Variants in MAD1L1 observed in about 807,000 individuals in gnomAD.
The protein encoded by MAD1L1 is mitotic arrest deficient 1 like 1.
Under a neutral mutation model 96.9 loss-of-function variants are expected in MAD1L1, and 95 were observed. That is an observed-to-expected ratio of 0.98 (90% CI 0.83 to 1.16). The LOEUF (loss-of-function observed/expected upper bound fraction) is 1.16. Ranked by LOEUF, MAD1L1 falls within the 50% of genes most tolerant of loss-of-function variation. MAD1L1 has a pLI of 0.00. For missense variants in MAD1L1, 1,007 were observed against 954.4 expected (o/e 1.06, Z -0.73); for synonymous variants, 473 against 396.6 (o/e 1.19, Z -2.29).
At chr7:1,986,694 TTC>T (rs1781167874) in intron 14 of MAD1L1, among the ~76,000 whole-genome samples, 1 of 152,174 alleles carries the variant, frequency 6.6e-6, no homozygotes, top group Non-Finnish European at 1.5e-5. Context: ...GCAGCTGCAT[TTC>T]TGTTTTGTCA....
intron 13 of MAD1L1, among the ~76,000 whole-genome samples, chr7:2,008,258 C>A (rs1280788935): frequency 3.3e-5 from 5 of 152,218 alleles, no homozygotes; most frequent in African/African-American, 4.8e-5. Flanking sequence ...TCAGACAGCG[C>A]AACTCCAGGC....
intron 12 of MAD1L1, among the ~76,000 whole-genome samples, chr7:2,043,203 G>A (rs1158209278): frequency 1.3e-5 from 2 of 152,202 alleles, no homozygotes; most frequent in Admixed American, 6.5e-5. Flanking sequence ...AAACGACCCT[G>A]CCACTGACTT....
intron 11 of MAD1L1, among the ~76,000 whole-genome samples, chr7:2,147,694 G>C (rs1789378341): frequency 6.6e-6 from 1 of 152,212 alleles, no homozygotes; most frequent in African/African-American, 2.4e-5. Context: ...GCCACAGCTG[G>C]GGTTGTGAGG....
chr7:2,034,147 C>T (rs1318843463), intron 12 of MAD1L1, among the ~76,000 whole-genome samples: 1 of 151,736 alleles, frequency 6.6e-6, no homozygotes, highest in Non-Finnish European at 1.5e-5. Flanking sequence ...AGCACTGAGT[C>T]CAAGGATGTT....
chr7:2,084,409 G>A (rs751071836), intron 11 of MAD1L1, among the ~76,000 whole-genome samples: 10 of 152,326 alleles, frequency 6.6e-5, no homozygotes, highest in South Asian at 2.1e-4. Flanking sequence ...CAGAGCATGC[G>A]AGTGGCGCTG....
intron 14 of MAD1L1, 122 bp from the exon 15 acceptor site, chr7:1,980,663 G>C: frequency 1.3e-6 from 1 of 768,168 alleles, no homozygotes; most frequent in Non-Finnish European, 2.3e-6. Context: ...GGGAGCTGCG[G>C]GAGAGACCTC....
chr7:1,985,116 C>T (rs1053210228), intron 14 of MAD1L1, among the ~76,000 whole-genome samples: 1 of 152,210 alleles, frequency 6.6e-6, no homozygotes, highest in Non-Finnish European at 1.5e-5. Context: ...GTACTCAGAT[C>T]AAAACACTTT....
At chr7:1,916,674 G>A (rs377000351) in intron 17 of MAD1L1, among the ~76,000 whole-genome samples, 5 of 152,114 alleles carry the variant, frequency 3.3e-5, no homozygotes, top group East Asian at 3.9e-4. Context: ...GATCACTGGC[G>A]GGGAGATGAA....
rs1781650500 is a variant in MAD1L1 at position 1,998,393 on chromosome 7, G to C, written c.1416+3672C>G. Among the ~76,000 whole-genome samples, 3 of 152,358 alleles carry C rather than the reference G, an allele frequency of 2.0e-5. No individual in the cohort carries two copies. In the South Asian group the frequency reaches 6.2e-4, roughly 32 times the overall value. ...TGCTCCAGGGCAGCTGCAGGTGCCG[G>C]GCAGGTGGCTCAGCCATAATGCCGA... On this transcript the variant is annotated intron_variant, in intron 14 of 18. Coordinates refer to ENST00000265854, the MANE Select transcript of MAD1L1 (RefSeq NM_001013836.2).
intron 10 of MAD1L1, among the ~76,000 whole-genome samples, chr7:2,192,362 C>A (rs1326161752): frequency 6.6e-6 from 1 of 152,102 alleles, no homozygotes; most frequent in Non-Finnish European, 1.5e-5. Flanking sequence ...GAACTTCTGA[C>A]CTCAGGTGAT....
intron 10 of MAD1L1, among the ~76,000 whole-genome samples, chr7:2,196,240 T>C (rs983249160): frequency 1.8e-4 from 27 of 152,162 alleles, no homozygotes; most frequent in African/African-American, 6.3e-4. Flanking sequence ...ACACAGCAGC[T>C]CTCCAGAGCC....
chr7:2,214,967 C>T (rs1316233645), intron 9 of MAD1L1, among the ~76,000 whole-genome samples: 1 of 152,208 alleles, frequency 6.6e-6, no homozygotes. Context: ...CACAGAGGCT[C>T]ACGCCTGTCA....
chr7:1,888,656 ATGTG>A (rs778381619), intron 18 of MAD1L1, among the ~76,000 whole-genome samples: 199 of 150,370 alleles, frequency 1.3e-3, no homozygotes, highest in Non-Finnish European at 1.8e-3. Flanking sequence ...GTGTGCGCGC[ATGTG>A]TGTATGTGGC....
At chr7:1,979,007 G>T (rs1018054187) in intron 15 of MAD1L1, among the ~76,000 whole-genome samples, 1 of 152,240 alleles carries the variant, frequency 6.6e-6, no homozygotes, top group African/African-American at 2.4e-5. Flanking sequence ...GAATCTAGAA[G>T]GCATCATAGC....
At chr7:1,966,589 C>T (rs2090943) in intron 15 of MAD1L1, among the ~76,000 whole-genome samples, 118,720 of 137,124 alleles carry the variant, frequency 0.87, 52,569 homozygotes, top group Non-Finnish European at 0.96. Flanking sequence ...AAAAAAATCC[C>T]TAGAGATTCA....
chr7:1,976,337 G>C (rs987721064), intron 15 of MAD1L1, among the ~76,000 whole-genome samples: 1 of 152,218 alleles, frequency 6.6e-6, no homozygotes, highest in African/African-American at 2.4e-5. Context: ...GACATGTTCG[G>C]AGTTTCTTTC....
intron 13 of MAD1L1, among the ~76,000 whole-genome samples, chr7:2,008,906 C>T (rs1480260755): frequency 1.3e-5 from 2 of 152,218 alleles, no homozygotes; most frequent in Non-Finnish European, 2.9e-5. Flanking sequence ...GCCAAGCCCA[C>T]TCGGAGCCAG....
rs368914132 is a variant in MAD1L1, at chr7:2,069,813, G to A, written c.1074-475C>T. ...GAACCCGAGAGGCCTCCTGTGGGCC[G>A]ACGCCAGAGGCAGGGCCAACTCCAG... On this transcript the variant is annotated intron_variant, in intron 11 of 18. Transcript: ENST00000265854. 2.4e-4 allele frequency among the ~76,000 whole-genome samples: 37 copies of A among 152,374 alleles called. No homozygotes were observed. In the East Asian group the frequency reaches 3.9e-3, roughly 16 times the overall value.
intron 11 of MAD1L1, among the ~76,000 whole-genome samples, chr7:2,112,665 G>A (rs1787441128): frequency 6.6e-6 from 1 of 152,216 alleles, no homozygotes; most frequent in Non-Finnish European, 1.5e-5. Flanking sequence ...GTGCTGGATG[G>A]AGCCAGTGTC....
Sources: allele counts gnomAD v4.1 joint callset (sites outside exome capture counted in the v4.1 genomes callset), GRCh38; gene constraint gnomAD v4.1.1; transcripts MANE v1.5; gene names NCBI Gene and HGNC (gene_info 2026-07-23, HGNC 2026-07-21).